IFT140: variants seen among roughly 807,000 people sequenced by gnomAD.
IFT140 encodes the protein intraflagellar transport protein 140 homolog.
Under a neutral mutation model 164.6 loss-of-function variants are expected in IFT140, and 133 were observed. The observed-to-expected ratio is 0.81, with a 90% CI of 0.70 to 0.93. The LOEUF is 0.93. Among genes scored for constraint, IFT140 ranks in the 40% least tolerant of loss-of-function variants. The pLI is 0.00. For synonymous variants in IFT140, 860 were observed against 817.3 expected, an observed-to-expected ratio of 1.05 and a Z score of -0.89; for missense variants, 2,045 against 1,972.3, an observed-to-expected ratio of 1.04 and a Z score of -0.70.
chr16:1,607,229 T>A lies in IFT140; in HGVS notation c.38A>T (p.Asp13Val). The A allele has an allele frequency of 6.2e-7, 1 of 1,614,054 alleles. No homozygotes were observed. The highest frequency in any genetic ancestry group is 8.5e-7 in the Non-Finnish European group (1 of 1,180,004). ...LYYDHQIEAP[D>V]AAGSPSFISW... ...GATAAATGAGGGTGACCCTGCTGCA[T>A]CCGGGGCTTCTATCTGGTGGTCATA... is the stretch of plus-strand genomic sequence containing the variant. The change falls in exon 3 of 31, where the codon GAT becomes GTT. Residue 13 changes from aspartate to valine, a missense_variant. Physicochemically the swap from Asp to Val is radical, Grantham distance 152. Transcript: ENST00000426508.
chr16:1,536,769 G>A (rs944097512), intron 19 of IFT140, among the ~76,000 whole-genome samples: 5 of 152,030 alleles, frequency 3.3e-5, no homozygotes, highest in Admixed American at 2.0e-4. Flanking sequence ...CTTCACCGAC[G>A]TCCATCTGCA....
At chr16:1,524,324 C>A (rs1232737763) in intron 24 of IFT140, 7 of 654,840 alleles carry the variant, frequency 1.1e-5, no homozygotes, top group Non-Finnish European at 1.8e-5. Flanking sequence ...AGCCCTGGAG[C>A]CTGGGAAACA....
intron 19 of IFT140, chr16:1,534,541 G>A (rs780085186): frequency 5.0e-6 from 8 of 1,604,240 alleles, no homozygotes; most frequent in East Asian, 2.2e-5. Flanking sequence ...CAGGAGTCCC[G>A]AGGCACCGTC....
intron 6 of IFT140, among the ~76,000 whole-genome samples, chr16:1,590,743 G>T (rs1240096763): frequency 6.6e-6 from 1 of 152,146 alleles, no homozygotes; most frequent in Non-Finnish European, 1.5e-5. Flanking sequence ...TTTTCCCGAT[G>T]GATAATGAGT....
chr16:1,545,262 G>A (rs900167980), intron 19 of IFT140, among the ~76,000 whole-genome samples: 2 of 152,026 alleles, frequency 1.3e-5, no homozygotes, highest in Non-Finnish European at 2.9e-5. Flanking sequence ...ACCAGGCTCT[G>A]TTCAACAACC....
chr16:1,583,237 C>T, intron 12 of IFT140, 77 bp downstream of exon 12: 2 of 1,255,346 alleles, frequency 1.6e-6, no homozygotes, highest in Non-Finnish European at 2.3e-6. Flanking sequence ...AACTGCACCA[C>T]AGTGGCCCTC....
chr16:1,595,687 G>A (rs139723277), intron 4 of IFT140, among the ~76,000 whole-genome samples: 66 of 151,954 alleles, frequency 4.3e-4, no homozygotes, highest in African/African-American at 1.5e-3. Context: ...TGGCATGTAA[G>A]TACACGTCAT....
chr16:1,583,432 G>T, intron 11 of IFT140, 46 bp from the exon 12 acceptor site: 1 of 1,539,384 alleles, frequency 6.5e-7, no homozygotes, highest in Non-Finnish European at 9.0e-7. Context: ...GGAAAAGTGA[G>T]GTGCAACTGT....
At chr16:1,598,259 C>T (rs1030101991) in intron 4 of IFT140, among the ~76,000 whole-genome samples, 1 of 152,128 alleles carries the variant, frequency 6.6e-6, no homozygotes, top group African/African-American at 2.4e-5. Context: ...GAGATCAAGA[C>T]CATCCTGGCT....
chr16:1,598,583 C>CT (rs1355583636), intron 4 of IFT140, among the ~76,000 whole-genome samples: 2 of 152,264 alleles, frequency 1.3e-5, no homozygotes, highest in African/African-American at 4.8e-5. Context: ...TGAAAACACT[C>CT]TGAGATACTA....
rs2034008585 is a variant in IFT140, at chr16:1,571,460, G to A, written c.1599C>T (p.Phe533=). 1 of 1,614,162 alleles carries A rather than the reference G, an allele frequency of 6.2e-7. No individual in the cohort carries two copies. Among genetic ancestry groups the A allele is most frequent in the Middle Eastern group, 1.6e-4 (1 of 6,062 alleles). ...GAGCCAAGTCTGTCCCTACAACCAGGAAATTCCCACAGATGTCCAAGAAGC... is the reference window on the plus strand; with the variant it reads ...GAGCCAAGTCTGTCCCTACAACCAGAAAATTCCCACAGATGTCCAAGAAGC... ...NPCFLDICGN[F]LVVGTDLAHF... The change falls in exon 14 of 31, where the codon TTC becomes TTT. Residue 533 remains phenylalanine (F), a synonymous_variant. Coordinates refer to ENST00000426508, the MANE Select transcript of IFT140 (RefSeq NM_014714.4).
At chr16:1,563,857 C>A in intron 17 of IFT140, 140 bp downstream of exon 17, 1 of 773,480 alleles carries the variant, frequency 1.3e-6, no homozygotes, top group Non-Finnish European at 1.9e-6. Flanking sequence ...AACTCCTGGG[C>A]TCAAGCGTTC....
chr16:1,526,943 G>C, intron 19 of IFT140, 147 bp from the exon 20 acceptor site: 1 of 847,202 alleles, frequency 1.2e-6, no homozygotes. Flanking sequence ...CTCCGCCCCT[G>C]GGCAAGACTG....
intron 19 of IFT140, among the ~76,000 whole-genome samples, chr16:1,556,212 C>A (rs529967748): frequency 2.0e-4 from 31 of 152,358 alleles, no homozygotes; most frequent in African/African-American, 6.0e-4. Context: ...AACCCCGTGT[C>A]CTAAATCTGT....
chr16:1,589,116 T>C (rs1018223026), intron 7 of IFT140, among the ~76,000 whole-genome samples: 1 of 152,218 alleles, frequency 6.6e-6, no homozygotes, highest in African/African-American at 2.4e-5. Context: ...TTACAGGGCA[T>C]GTAAAGGCCC....
chr16:1,608,477 C>G (rs1463854203), intron 2 of IFT140, among the ~76,000 whole-genome samples: 1 of 151,938 alleles, frequency 6.6e-6, no homozygotes. Context: ...ACTAAAAATA[C>G]AAAAGGTTAT....
intron 19 of IFT140, chr16:1,555,237 T>G (rs984194072): frequency 2.8e-5 from 17 of 610,320 alleles, no homozygotes; most frequent in Admixed American, 9.6e-5. Context: ...TCGTTCTGCC[T>G]CCAGCTTTCC....
intron 11 of IFT140, among the ~76,000 whole-genome samples, chr16:1,583,937 C>T (rs560389308): frequency 6.6e-6 from 1 of 152,200 alleles, no homozygotes; most frequent in Admixed American, 6.5e-5. Flanking sequence ...GTTTTAGCAT[C>T]TTGGCCAGGC....
chr16:1,518,481 A>G, intron 29 of IFT140, 124 bp from the exon 30 acceptor site: 1 of 881,468 alleles, frequency 1.1e-6, no homozygotes, highest in Non-Finnish European at 1.7e-6. Context: ...ACTTTCTATG[A>G]AGTTAAATTC....
Sources: allele counts gnomAD v4.1 joint callset (sites outside exome capture counted in the v4.1 genomes callset), GRCh38; gene constraint gnomAD v4.1.1; transcripts MANE v1.5; gene names NCBI Gene and HGNC (gene_info 2026-07-23, HGNC 2026-07-21).